Variants in HGD observed in about 807,000 individuals in gnomAD.
The protein encoded by HGD is homogentisate oxidase.
HGD carries 61 observed loss-of-function variants against 60.8 expected under a neutral mutation model. The observed-to-expected ratio is 1.00, with a 90% confidence interval of 0.82 to 1.24. The LOEUF (loss-of-function observed/expected upper bound fraction) is 1.24, where lower values mean the gene tolerates loss of function less well. Ranked by LOEUF, HGD falls within the 50% of genes most tolerant of loss-of-function variation. The pLI, the probability that HGD is intolerant of heterozygous loss-of-function variation, is 0.00. For synonymous variants in HGD, 212 were observed against 187.7 expected (o/e 1.13, Z -1.06); for missense variants, 542 against 547.1 (o/e 0.99, Z 0.09).
chr3:120,674,326 A>C (rs1166938751), intron 3 of HGD, among the ~76,000 whole-genome samples: 1 of 152,230 alleles, frequency 6.6e-6, no homozygotes, highest in Non-Finnish European at 1.5e-5. Flanking sequence ...GTAGGATTAG[A>C]GCAAACATGG....
intron 4 of HGD, among the ~76,000 whole-genome samples, chr3:120,664,894 T>C (rs1473456141): frequency 6.6e-6 from 1 of 152,218 alleles, no homozygotes; most frequent in Non-Finnish European, 1.5e-5. Flanking sequence ...TAATGTAAGT[T>C]TTAAATAAAA....
At chr3:120,675,608 A>T (rs150201206) in intron 2 of HGD, among the ~76,000 whole-genome samples, 184 bp downstream of exon 2, 1 of 152,130 alleles carries the variant, frequency 6.6e-6, no homozygotes, top group Non-Finnish European at 1.5e-5. Context: ...CTGTGCCACC[A>T]ATCCAATTTT....
chr3:120,649,565 G>A (rs552122224), intron 6 of HGD, among the ~76,000 whole-genome samples: 14 of 152,244 alleles, frequency 9.2e-5, no homozygotes, highest in African/African-American at 2.9e-4. Context: ...ATTTAGCTCA[G>A]TTGGCTTGCC....
intron 3 of HGD, among the ~76,000 whole-genome samples, chr3:120,673,727 A>G (rs1708070596): frequency 6.6e-6 from 1 of 152,350 alleles, no homozygotes; most frequent in African/African-American, 2.4e-5. Flanking sequence ...AAACTCTGCT[A>G]TGATGGCAAT....
chr3:120,650,247 A>T (rs780418537), intron 6 of HGD, among the ~76,000 whole-genome samples: 1 of 152,154 alleles, frequency 6.6e-6, no homozygotes, highest in Non-Finnish European at 1.5e-5. Flanking sequence ...TTACTTTTCT[A>T]CTGAGATAAA....
chr3:120,678,160 GGAT>G (rs1708167546), intron 1 of HGD: 1 of 152,184 alleles, frequency 6.6e-6, no homozygotes, highest in South Asian at 2.1e-4. Flanking sequence ...CATGCAGTTA[GGAT>G]GATATCTTTG....
chr3:120,637,613 TC>T (rs1940825321), intron 12 of HGD, among the ~76,000 whole-genome samples: 1 of 138,654 alleles, frequency 7.2e-6, no homozygotes, highest in African/African-American at 2.9e-5. Flanking sequence ...TCTCTGTCTC[TC>T]TCTCTGTCTC....
intron 1 of HGD, among the ~76,000 whole-genome samples, chr3:120,676,667 T>G (rs564718966): frequency 6.6e-6 from 1 of 152,232 alleles, no homozygotes; most frequent in Non-Finnish European, 1.5e-5. Flanking sequence ...AATTCTAATG[T>G]AAGTGTATGT....
chr3:120,658,757 T>G (rs1941574659), intron 4 of HGD, among the ~76,000 whole-genome samples: 1 of 152,208 alleles, frequency 6.6e-6, no homozygotes, highest in African/African-American at 2.4e-5. Flanking sequence ...CATTTAAGTT[T>G]TCTATACATC....
chr3:120,630,523 G>A (rs1033968779), intron 13 of HGD, among the ~76,000 whole-genome samples: 1 of 152,004 alleles, frequency 6.6e-6, no homozygotes, highest in African/African-American at 2.4e-5. Flanking sequence ...AAGCAATGGG[G>A]AAAGGACTAT....
At chr3:120,644,488 T>C in intron 9 of HGD, 45 bp from the exon 10 acceptor site, 3 of 1,613,144 alleles carry the variant, frequency 1.9e-6, no homozygotes, top group Non-Finnish European at 2.5e-6. Context: ...TTCCAAAACA[T>C]AGGAAAGATG....
chr3:120,646,613 C>G (rs1205404672), intron 8 of HGD, among the ~76,000 whole-genome samples: 1 of 151,836 alleles, frequency 6.6e-6, no homozygotes, highest in Admixed American at 6.6e-5. Flanking sequence ...AGTCTACCCT[C>G]TCATTGGGTC....
chr3:120,641,759 T>C (rs1940990006), intron 10 of HGD, 66 bp from the exon 11 acceptor site: 1 of 990,818 alleles, frequency 1.0e-6, no homozygotes, highest in Non-Finnish European at 1.6e-6. Context: ...GATCCCACAA[T>C]ATGTACTGAG....
At chr3:120,679,620 T>G (rs1438811834) in intron 1 of HGD, among the ~76,000 whole-genome samples, 1 of 152,104 alleles carries the variant, frequency 6.6e-6, no homozygotes, top group Non-Finnish European at 1.5e-5. Context: ...TAATCACAAG[T>G]GTCATTATAA....
chr3:120,639,284 A>G (rs1289943209), intron 11 of HGD, among the ~76,000 whole-genome samples: 1 of 152,132 alleles, frequency 6.6e-6, no homozygotes, highest in African/African-American at 2.4e-5. Context: ...GCTCCCACTT[A>G]TAAGTGAAAA....
At chr3:120,643,080 A>G (rs1218852403) in intron 10 of HGD, among the ~76,000 whole-genome samples, 1 of 152,188 alleles carries the variant, frequency 6.6e-6, no homozygotes, top group African/African-American at 2.4e-5. Context: ...TCCATGTCCC[A>G]TCTCCAAAGC....
At chr3:120,674,181 C>T (rs1294892138) in intron 3 of HGD, among the ~76,000 whole-genome samples, 1 of 152,160 alleles carries the variant, frequency 6.6e-6, no homozygotes, top group East Asian at 1.9e-4. Flanking sequence ...TCACAAATAC[C>T]TCAGCCTAAA....
intron 6 of HGD, among the ~76,000 whole-genome samples, chr3:120,649,140 T>TTA (rs1941254774): frequency 3.9e-5 from 1 of 25,780 alleles, no homozygotes; most frequent in African/African-American, 7.6e-5. Context: ...CTTCTTTTTC[T>TTA]TTTTTTTTTT....
intron 4 of HGD, among the ~76,000 whole-genome samples, chr3:120,661,859 G>C (rs184577429): frequency 1.3e-5 from 2 of 152,198 alleles, no homozygotes; most frequent in African/African-American, 4.8e-5. Flanking sequence ...CTATCAGGGA[G>C]TAAATTCAAC....
Sources: gnomAD v4.1 joint callset for allele counts (sites outside exome capture counted in the v4.1 genomes callset) on GRCh38, gnomAD v4.1.1 for gene constraint, MANE v1.5 for transcripts, NCBI Gene and HGNC (gene_info 2026-07-23, HGNC 2026-07-21) for gene names.